The following SRGAP3 variants were observed in gnomAD, a reference collection of about 807,000 sequenced individuals.
SRGAP3 encodes the protein SLIT-ROBO Rho GTPase-activating protein 3.
A neutral mutation model predicts 121.1 loss-of-function variants in SRGAP3; 39 were observed. The ratio of observed to expected loss-of-function variants is 0.32; its 90% CI spans 0.25 to 0.42. SRGAP3 has a LOEUF of 0.42. SRGAP3 is among the 10% of genes least tolerant of loss of function. SRGAP3 has a pLI of 1.00. For synonymous variants in SRGAP3, 601 were observed against 570.0 expected, an observed-to-expected ratio of 1.05 and a Z score of -0.77; for missense variants, 1,213 against 1,470.6, an observed-to-expected ratio of 0.82 and a Z score of 2.86.
At chr3:9,160,072 C>A (rs1950556991) in intron 1 of SRGAP3, among the ~76,000 whole-genome samples, 1 of 152,180 alleles carries the variant, frequency 6.6e-6, no homozygotes, top group South Asian at 2.1e-4. Context: ...GGGTTCAAAT[C>A]CCAGTGTTAC....
chr3:9,080,771 G>A (rs1454514904), intron 3 of SRGAP3, among the ~76,000 whole-genome samples: 1 of 152,092 alleles, frequency 6.6e-6, no homozygotes, highest in Non-Finnish European at 1.5e-5. Flanking sequence ...GGGGATCTAG[G>A]TTGCACGCTC....
At chr3:9,329,889 G>A (rs1176306327) in intron 2 of SRGAP3, among the ~76,000 whole-genome samples, 1 of 152,134 alleles carries the variant, frequency 6.6e-6, no homozygotes, top group Non-Finnish European at 1.5e-5. Context: ...CAGAAGAGCA[G>A]TTGACATCCC....
intron 1 of SRGAP3, chr3:9,350,197 T>C (rs1412886996): frequency 6.6e-6 from 1 of 152,248 alleles, no homozygotes; most frequent in Non-Finnish European, 1.5e-5. Context: ...CACAATTTAA[T>C]TCAGTCAACA....
intron 4 of SRGAP3, among the ~76,000 whole-genome samples, chr3:9,075,400 CAT>C (rs1174430505): frequency 4.6e-4 from 69 of 151,466 alleles, no homozygotes; most frequent in Admixed American, 2.6e-3. Context: ...TGCGCGCGCA[CAT>C]ATGTGCATAA....
chr3:9,348,687 A>T (rs1955951703), intron 1 of SRGAP3: 1 of 1,126,788 alleles, frequency 8.9e-7, no homozygotes, highest in Admixed American at 1.7e-5. Flanking sequence ...GCCAGTAGTG[A>T]GGATTGGTGC....
chr3:9,180,515 A>T (rs189912845), intron 1 of SRGAP3, among the ~76,000 whole-genome samples: 1 of 152,136 alleles, frequency 6.6e-6, no homozygotes, highest in East Asian at 1.9e-4. Flanking sequence ...CAGGGCGGGG[A>T]GGACAGGCCC....
chr3:9,200,486 C>G (rs1952036903), intron 1 of SRGAP3, among the ~76,000 whole-genome samples: 1 of 152,154 alleles, frequency 6.6e-6, no homozygotes, highest in African/African-American at 2.4e-5. Flanking sequence ...TGCCATCCTA[C>G]AAAAGCACCT....
intron 1 of SRGAP3, among the ~76,000 whole-genome samples, chr3:9,192,048 A>G (rs1951768567): frequency 6.6e-6 from 1 of 152,178 alleles, no homozygotes; most frequent in Non-Finnish European, 1.5e-5. Flanking sequence ...TTTTCTTTAT[A>G]AATCACCCAG....
chr3:9,006,954 C>CTTTTTTTTTTTTTTT (rs891322969), intron 18 of SRGAP3: 1 of 106,602 alleles, frequency 9.4e-6, no homozygotes, highest in African/African-American at 3.8e-5. Context: ...GGTATAGAAT[C>CTTTTTTTTTTTTTTT]TTTTTTTTTT....
rs201755024 is a variant in SRGAP3 at position 9,284,135 on chromosome 3, T to TA, written n.442+41874dup. On this transcript the variant is annotated intron_variant and non_coding_transcript_variant, in intron 3 of 3. Transcript: ENST00000490889. ...CGAGTTAAAAAAAAATGGTGTTTAA[T>TA]AAAAAAAAAAAGCTGGTAGTTGAGC... is the stretch of plus-strand genomic sequence containing the variant. Among the ~76,000 whole-genome samples the TA allele has an allele frequency of 4.2e-3, 600 of 144,448 alleles. 3 individuals carry two copies. Among genetic ancestry groups the TA allele is most frequent in the African/African-American group, 6.2e-3 (242 of 39,042 alleles). 94.8% of individuals were successfully genotyped at this position (144,448 alleles called of 152,430 possible).
upstream of SRGAP3, among the ~76,000 whole-genome samples, chr3:9,253,210 T>C (rs1211261366): frequency 6.6e-6 from 1 of 152,228 alleles, no homozygotes; most frequent in Non-Finnish European, 1.5e-5. Flanking sequence ...AGCCCAGGTA[T>C]GGCTCATAGC....
chr3:9,254,656 C>T, upstream of SRGAP3, among the ~76,000 whole-genome samples: 1 of 151,964 alleles, frequency 6.6e-6, no homozygotes. Context: ...ATTAGCCAAG[C>T]GTGGTGGTCC....
intron 8 of SRGAP3, among the ~76,000 whole-genome samples, chr3:9,053,756 T>C (rs1334480227): frequency 1.3e-5 from 2 of 152,224 alleles, no homozygotes. Context: ...AGGAAGACAG[T>C]TGCTGAGGCA....
intron 1 of SRGAP3, among the ~76,000 whole-genome samples, chr3:9,237,997 T>G (rs1411698516): frequency 6.6e-6 from 1 of 152,174 alleles, no homozygotes; most frequent in Non-Finnish European, 1.5e-5. Flanking sequence ...TGGCTATGTC[T>G]GGAGACATTT....
chr3:9,205,281 G>A (rs571907109), intron 1 of SRGAP3, among the ~76,000 whole-genome samples: 16 of 152,138 alleles, frequency 1.1e-4, no homozygotes, highest in Non-Finnish European at 1.6e-4. Context: ...TTACTTTAAC[G>A]TGTAATCAAT....
chr3:8,997,267 C>T (rs1022764677), intron 18 of SRGAP3, among the ~76,000 whole-genome samples: 2 of 152,186 alleles, frequency 1.3e-5, no homozygotes, highest in African/African-American at 4.8e-5. Context: ...TGTCTACCTG[C>T]TCACCCAGGC....
At chr3:9,260,048 T>A (rs570532516) in intron 3 of SRGAP3, among the ~76,000 whole-genome samples, 21 of 151,074 alleles carry the variant, frequency 1.4e-4, no homozygotes, top group African/African-American at 5.1e-4. Context: ...GCACAAGGAG[T>A]CAGGGAACCC....
intron 3 of SRGAP3, among the ~76,000 whole-genome samples, chr3:9,324,213 A>G (rs540440945): frequency 1.5e-4 from 23 of 152,094 alleles, no homozygotes; most frequent in Middle Eastern, 6.8e-3. Flanking sequence ...TTGTCTGACT[A>G]TTAAGCTAGG....
At chr3:9,030,088 G>A (rs1182823719) in intron 12 of SRGAP3, among the ~76,000 whole-genome samples, 1 of 152,144 alleles carries the variant, frequency 6.6e-6, no homozygotes, top group African/African-American at 2.4e-5. Flanking sequence ...AGAGGTCAAG[G>A]CTGCAGTGAG....
Sources: allele counts gnomAD v4.1 joint callset (sites outside exome capture counted in the v4.1 genomes callset), GRCh38; gene constraint gnomAD v4.1.1; transcripts MANE v1.5; gene names NCBI Gene and HGNC (gene_info 2026-07-23, HGNC 2026-07-21).